NTM: variants seen among roughly 807,000 people sequenced by gnomAD.
NTM encodes neurotrimin.
Under a neutral mutation model 42.1 loss-of-function variants are expected in NTM, and 13 were observed. That is an observed-to-expected ratio of 0.31 (90% CI 0.20 to 0.49). The LOEUF (loss-of-function observed/expected upper bound fraction) is 0.49, where lower values mean the gene tolerates loss of function less well. Ranked by LOEUF, NTM falls within the 20% of genes least tolerant of loss-of-function variation. NTM has a pLI of 0.99. For missense variants in NTM, 373 were observed against 452.8 expected (o/e 0.82, Z 1.60); for synonymous variants, 187 against 179.2 (o/e 1.04, Z -0.35).
chr11:132,068,042 A>G (rs1594291161), intron 2 of NTM, among the ~76,000 whole-genome samples: 1 of 152,142 alleles, frequency 6.6e-6, no homozygotes, highest in Non-Finnish European at 1.5e-5. Flanking sequence ...AGATAATCTC[A>G]TCTTTCTTTC....
At chr11:131,967,167 C>G (rs1294102207) in intron 2 of NTM, among the ~76,000 whole-genome samples, 2 of 152,146 alleles carry the variant, frequency 1.3e-5, no homozygotes, top group Non-Finnish European at 2.9e-5. Flanking sequence ...ATAAAAGAGG[C>G]TGGCACGGAA....
At chr11:131,734,968 G>C (rs1188362454) in intron 1 of NTM, among the ~76,000 whole-genome samples, 1 of 152,134 alleles carries the variant, frequency 6.6e-6, no homozygotes, top group African/African-American at 2.4e-5. Flanking sequence ...TAACTTCACA[G>C]TGACAGGTGC....
At chr11:131,576,979 A>G (rs1045785847) in intron 1 of NTM, among the ~76,000 whole-genome samples, 3 of 152,234 alleles carry the variant, frequency 2.0e-5, no homozygotes, top group African/African-American at 7.2e-5. Flanking sequence ...ACTCAAAAAT[A>G]TTACCTCTCA....
chr11:132,247,288 T>A (rs2091317054), intron 4 of NTM, among the ~76,000 whole-genome samples: 1 of 152,186 alleles, frequency 6.6e-6, no homozygotes, highest in African/African-American at 2.4e-5. Context: ...GGCATTGGAA[T>A]TATACAAATT....
intron 1 of NTM, among the ~76,000 whole-genome samples, chr11:131,689,577 T>C (rs1487498817): frequency 3.3e-5 from 5 of 152,212 alleles, no homozygotes; most frequent in Non-Finnish European, 7.4e-5. Flanking sequence ...CTGGAAGCAC[T>C]CAGTCCTTCA....
intron 1 of NTM, among the ~76,000 whole-genome samples, chr11:131,594,022 G>A (rs10750486): frequency 0.41 from 62,769 of 152,084 alleles, 15,223 homozygotes; most frequent in East Asian, 0.57. Flanking sequence ...GCTAAATTCT[G>A]TGCACCAGCC....
At chr11:131,688,618 C>T (rs1384449796) in intron 1 of NTM, among the ~76,000 whole-genome samples, 1 of 152,242 alleles carries the variant, frequency 6.6e-6, no homozygotes, top group Non-Finnish European at 1.5e-5. Context: ...AGCGCCTGGC[C>T]TGTCGGCTTC....
intron 2 of NTM, among the ~76,000 whole-genome samples, chr11:132,005,044 G>T (rs1225868521): frequency 6.6e-6 from 1 of 152,144 alleles, no homozygotes; most frequent in Non-Finnish European, 1.5e-5. Flanking sequence ...CGTTATAGTT[G>T]ATGGCTCAGG....
In NTM at chr11:131,641,924, A is replaced by G. The variant is rs181286027; in HGVS notation, c.83-269640A>G. On this transcript the variant is annotated intron_variant, in intron 1 of 8. Coordinates refer to ENST00000683400, the MANE Select transcript of NTM (RefSeq NM_001352005.2). ...GTATTTTTAGTAGAGATGGGGTTTC[A>G]CCATGTTGGCGAGGATGGTCTCGAT... Among the ~76,000 whole-genome samples the G allele has an allele frequency of 2.0e-5, 3 of 152,082 alleles. No individual in the cohort carries two copies. The East Asian group carries it at 5.8e-4, about 29-fold the overall frequency.
At chr11:131,952,959 T>C (rs2061178849) in intron 2 of NTM, among the ~76,000 whole-genome samples, 1 of 152,186 alleles carries the variant, frequency 6.6e-6, no homozygotes, top group Non-Finnish European at 1.5e-5. Context: ...GATCTTGTGG[T>C]GGCATATAGA....
intron 1 of NTM, among the ~76,000 whole-genome samples, chr11:131,661,684 G>A (rs534293640): frequency 1.3e-3 from 200 of 152,258 alleles, no homozygotes; most frequent in African/African-American, 4.6e-3. Context: ...AAGGCGTTTT[G>A]AAGTTCCAGG....
chr11:131,708,450 A>T (rs1157352996), intron 1 of NTM, among the ~76,000 whole-genome samples: 2 of 152,166 alleles, frequency 1.3e-5, no homozygotes, highest in African/African-American at 4.8e-5. Flanking sequence ...AACATTAGAG[A>T]TGTAAGACAA....
At chr11:131,917,042 C>T (rs543678730) in intron 2 of NTM, among the ~76,000 whole-genome samples, 1 of 152,322 alleles carries the variant, frequency 6.6e-6, no homozygotes, top group South Asian at 2.1e-4. Context: ...GGCATATCAT[C>T]CTGGAGTTTT....
At chr11:131,559,772 C>T (rs953768240) in intron 1 of NTM, among the ~76,000 whole-genome samples, 1 of 152,202 alleles carries the variant, frequency 6.6e-6, no homozygotes, top group Admixed American at 6.5e-5. Context: ...CACTTACCAT[C>T]ACACCTATGA....
At chr11:132,095,556 A>G (rs919082244) in intron 2 of NTM, among the ~76,000 whole-genome samples, 1 of 152,148 alleles carries the variant, frequency 6.6e-6, no homozygotes, top group African/African-American at 2.4e-5. Context: ...AACACAGAAG[A>G]CCAGAACTAA....
intron 1 of NTM, among the ~76,000 whole-genome samples, chr11:131,775,059 AT>A (rs1271530546): frequency 6.6e-6 from 1 of 152,202 alleles, no homozygotes; most frequent in Non-Finnish European, 1.5e-5. Context: ...CAGTATGACC[AT>A]TGCTTCTATT....
chr11:131,875,023 G>A (rs1327526785), intron 1 of NTM, among the ~76,000 whole-genome samples: 2 of 152,184 alleles, frequency 1.3e-5, no homozygotes, highest in Non-Finnish European at 2.9e-5. Context: ...CCGGCCAAAG[G>A]CAAGAATAGA....
intron 1 of NTM, among the ~76,000 whole-genome samples, chr11:131,740,334 A>C (rs1045879677): frequency 2.6e-5 from 4 of 152,220 alleles, no homozygotes; most frequent in African/African-American, 4.8e-5. Flanking sequence ...TGGAGCACAT[A>C]AGGAGTCTAA....
At chr11:132,049,552 G>A (rs2078550899) in intron 2 of NTM, among the ~76,000 whole-genome samples, 1 of 152,220 alleles carries the variant, frequency 6.6e-6, no homozygotes, top group African/African-American at 2.4e-5. Context: ...TGCAGGGGTT[G>A]TCAGTGAGAG....
Sources: gnomAD v4.1 joint callset for allele counts (sites outside exome capture counted in the v4.1 genomes callset) on GRCh38, gnomAD v4.1.1 for gene constraint, MANE v1.5 for transcripts, NCBI Gene and HGNC (gene_info 2026-07-23, HGNC 2026-07-21) for gene names.